The following TSC22D1 variants were observed in gnomAD, a reference collection of about 807,000 sequenced individuals.
TSC22D1 encodes the protein TSC22 domain family member 1, also known as TSC22 domain family protein 1.
A neutral mutation model predicts 74.2 loss-of-function variants in TSC22D1; 9 were observed. The observed-to-expected ratio is 0.12, with a 90% CI of 0.07 to 0.21. The LOEUF is 0.21. Ranked by LOEUF, TSC22D1 falls within the 10% of genes least tolerant of loss-of-function variation. TSC22D1 has a pLI of 1.00. For missense variants in TSC22D1, 1,427 were observed against 1,304.7 expected (o/e 1.09, Z -1.44); for synonymous variants, 586 against 492.5 (o/e 1.19, Z -2.51).
At chr13:44,529,130 A>G (rs1020520192) in intron 1 of TSC22D1, among the ~76,000 whole-genome samples, 1 of 152,090 alleles carries the variant, frequency 6.6e-6, no homozygotes, top group Admixed American at 6.5e-5. Context: ...TAATACTAGA[A>G]AGGCAAATTA....
intron 1 of TSC22D1, among the ~76,000 whole-genome samples, chr13:44,511,671 A>T (rs1429429463): frequency 1.3e-5 from 2 of 152,060 alleles, no homozygotes; most frequent in Non-Finnish European, 2.9e-5. Flanking sequence ...GTTGTTAAAC[A>T]ATCAGGAATC....
chr13:44,567,808 A>G (rs1883483222), intron 1 of TSC22D1, among the ~76,000 whole-genome samples: 1 of 152,194 alleles, frequency 6.6e-6, no homozygotes, highest in Non-Finnish European at 1.5e-5. Context: ...AAAAAGTCCC[A>G]GAATGAAAAG....
intron 1 of TSC22D1, chr13:44,437,047 C>A (rs1404195010): frequency 1.0e-6 from 1 of 978,392 alleles, no homozygotes; most frequent in East Asian, 1.1e-4. Flanking sequence ...TGGCGCGGGC[C>A]GTGCTCAGAG....
At chr13:44,455,191 AAAG>A (rs1424338398) in intron 1 of TSC22D1, among the ~76,000 whole-genome samples, 3 of 152,208 alleles carry the variant, frequency 2.0e-5, no homozygotes, top group East Asian at 3.8e-4. Flanking sequence ...GCTAGCTTTC[AAAG>A]AAGGACTCCC....
At chr13:44,548,121 A>G (rs1352083960) in intron 1 of TSC22D1, among the ~76,000 whole-genome samples, 3 of 152,252 alleles carry the variant, frequency 2.0e-5, no homozygotes, top group African/African-American at 7.2e-5. Flanking sequence ...AAGAACAGGA[A>G]ATTCAAAACC....
intron 2 of TSC22D1, 173 bp downstream of exon 2, chr13:44,435,871 C>A: frequency 1.4e-6 from 1 of 703,310 alleles, no homozygotes. Flanking sequence ...TCTCCCTCCA[C>A]GGCTGCCGTG....
intron 1 of TSC22D1, among the ~76,000 whole-genome samples, chr13:44,447,541 G>A (rs1875780257): frequency 6.6e-6 from 1 of 152,022 alleles, no homozygotes; most frequent in South Asian, 2.1e-4. Flanking sequence ...AGCGTTAAAA[G>A]ATTTGTAAAA....
At chr13:44,447,647 C>G (rs935595873) in intron 1 of TSC22D1, among the ~76,000 whole-genome samples, 1 of 151,842 alleles carries the variant, frequency 6.6e-6, no homozygotes, top group African/African-American at 2.4e-5. Context: ...ATATATAACA[C>G]ATGTATTTAC....
At chr13:44,542,800 G>A (rs1194040224) in intron 1 of TSC22D1, among the ~76,000 whole-genome samples, 1 of 152,036 alleles carries the variant, frequency 6.6e-6, no homozygotes, top group African/African-American at 2.4e-5. Flanking sequence ...CTTTCAAAAT[G>A]GGGTCATTAT....
chr13:44,450,412 A>C (rs1436296136), intron 1 of TSC22D1, among the ~76,000 whole-genome samples: 1 of 152,168 alleles, frequency 6.6e-6, no homozygotes, highest in Non-Finnish European at 1.5e-5. Flanking sequence ...ATAGGGTTTA[A>C]AGGGGGCAAA....
chr13:44,508,378 C>G (rs754931332), intron 1 of TSC22D1, among the ~76,000 whole-genome samples: 1 of 152,104 alleles, frequency 6.6e-6, no homozygotes, highest in Admixed American at 6.5e-5. Flanking sequence ...GATGTTCATA[C>G]GTTCTATAAG....
intron 1 of TSC22D1, among the ~76,000 whole-genome samples, chr13:44,458,656 T>C (rs1272536530): frequency 6.6e-6 from 1 of 152,050 alleles, no homozygotes; most frequent in East Asian, 1.9e-4. Context: ...GAAGCCCCAC[T>C]TCCCCCACAG....
At position 44,576,183 on chromosome 13, in the gene TSC22D1, C is replaced by A; in HGVS notation, c.-109G>T. 2.2e-6 allele frequency: 3 copies of A among 1,387,402 alleles called. No homozygotes were observed. Among genetic ancestry groups the A allele is most frequent in the Non-Finnish European group, 1.9e-6 (2 of 1,059,560 alleles). 85.9% of individuals were successfully genotyped at this position (1,387,402 alleles called of 1,614,324 possible). On this transcript the variant is annotated 5_prime_UTR_variant, in exon 1 of 3. Transcript: ENST00000458659. ...AAACGGGACCTGACGCTCCGCCTGG[C>A]GCGATTCCTCCTTCTCCTCCTCCTC...
chr13:44,567,509 A>C (rs1457727035), intron 1 of TSC22D1, among the ~76,000 whole-genome samples: 1 of 152,052 alleles, frequency 6.6e-6, no homozygotes, highest in Non-Finnish European at 1.5e-5. Flanking sequence ...GAAAGAAAAA[A>C]AAAACTTTTT....
intron 1 of TSC22D1, among the ~76,000 whole-genome samples, chr13:44,476,350 G>T (rs1366758325): frequency 6.6e-6 from 1 of 151,972 alleles, no homozygotes; most frequent in African/African-American, 2.4e-5. Context: ...CATTAATACT[G>T]TATCAGTCAA....
rs150169924 is a variant in TSC22D1, at chr13:44,493,907, A to G, written c.2913-57812T>C. Among the ~76,000 whole-genome samples the G allele has an allele frequency of 1.1e-3, 171 of 152,288 alleles. 1 individual carries two copies. The highest frequency in any genetic ancestry group is 3.9e-3 in the African/African-American group (164 of 41,554). On this transcript the variant is annotated intron_variant, in intron 1 of 2. Transcript: ENST00000458659. ...CAAACAGACACTTCAGACATCATAC[A>G]TGACAAAGGTACAGTCTTTACAAAA...
chr13:44,461,214 A>T (rs1472857966), intron 1 of TSC22D1, among the ~76,000 whole-genome samples: 3 of 152,194 alleles, frequency 2.0e-5, no homozygotes, highest in Non-Finnish European at 2.9e-5. Context: ...GACTATGCAA[A>T]ATTAATTTGT....
intron 1 of TSC22D1, among the ~76,000 whole-genome samples, chr13:44,507,375 C>T (rs1175285737): frequency 6.6e-6 from 1 of 151,568 alleles, no homozygotes; most frequent in African/African-American, 2.4e-5. Context: ...TCTGAGAAGG[C>T]GTCAGAGTAA....
chr13:44,529,985 T>C (rs1194168651), intron 1 of TSC22D1, among the ~76,000 whole-genome samples: 1 of 152,128 alleles, frequency 6.6e-6, no homozygotes, highest in Non-Finnish European at 1.5e-5. Context: ...AATGCTAAGA[T>C]GTCAATTCTT....
Sources: allele counts gnomAD v4.1 joint callset (sites outside exome capture counted in the v4.1 genomes callset), GRCh38; gene constraint gnomAD v4.1.1; transcripts MANE v1.5; gene names NCBI Gene and HGNC (gene_info 2026-07-23, HGNC 2026-07-21).